Variants in REPS2 observed in about 807,000 individuals in gnomAD.
REPS2 encodes RALBP1 associated Eps domain containing 2, also known as ralBP1-associated Eps domain-containing protein 2.
A neutral mutation model predicts 53.6 loss-of-function variants in REPS2; 23 were observed. The ratio of observed to expected loss-of-function variants is 0.43; its 90% CI spans 0.31 to 0.61. The LOEUF (loss-of-function observed/expected upper bound fraction) is 0.61. Ranked by LOEUF, REPS2 falls within the 20% of genes least tolerant of loss-of-function variation. The probability of loss-of-function intolerance (pLI) is 0.11; values close to 1 mark genes in which losing one functional copy is unlikely to be tolerated. For missense variants in REPS2, 446 were observed against 534.9 expected (o/e 0.83, Z 1.64); for synonymous variants, 238 against 218.6 (o/e 1.09, Z -0.78).
chrX:17,063,555 C>T (rs758453084), intron 9 of REPS2, among the ~76,000 whole-genome samples: 39 of 111,981 alleles, frequency 3.5e-4, no homozygotes, highest in African/African-American at 1.2e-3. Context: ...GAGTTGTGTC[C>T]TCCATGGTAC....
chrX:17,103,959 T>C (rs1569179056), intron 14 of REPS2, among the ~76,000 whole-genome samples, 180 bp downstream of exon 14: 1 of 111,211 alleles, frequency 9.0e-6, no homozygotes, highest in Non-Finnish European at 1.9e-5. Context: ...CCCAGCCTCA[T>C]GTGGAAGAGA....
At chrX:17,132,968 A>G (rs1478692265) in intron 14 of REPS2, among the ~76,000 whole-genome samples, 1 of 112,669 alleles carries the variant, frequency 8.9e-6, no homozygotes, top group East Asian at 2.8e-4. Flanking sequence ...TTAATAAAAA[A>G]ATAATACTTC....
chrX:17,110,926 A>G (rs1775605894), intron 14 of REPS2, among the ~76,000 whole-genome samples: 1 of 111,175 alleles, frequency 9.0e-6, no homozygotes, highest in African/African-American at 3.3e-5. Context: ...AGGCAGGAGA[A>G]TTGCTTGAAC....
chrX:17,049,594 T>A (rs771172861), intron 6 of REPS2, among the ~76,000 whole-genome samples: 8 of 112,189 alleles, frequency 7.1e-5, no homozygotes, highest in South Asian at 7.3e-4. Context: ...GCAATTTTTT[T>A]AAATTTTTAA....
At chrX:17,064,314 T>G (rs1441982458) in intron 9 of REPS2, among the ~76,000 whole-genome samples, 1 of 112,098 alleles carries the variant, frequency 8.9e-6, no homozygotes, top group Non-Finnish European at 1.9e-5. Context: ...TATTTCATGT[T>G]CTTCTAAACT....
intron 6 of REPS2, among the ~76,000 whole-genome samples, chrX:17,050,141 C>CCTTTCTTCCTTTCTTTCTTT (rs2061964303): frequency 4.9e-5 from 1 of 20,383 alleles, no homozygotes; most frequent in African/African-American, 1.6e-4. Context: ...TTCCTTTCTT[C>CCTTTCTTCCTTTCTTTCTTT]CTTTCTTTCT....
At chrX:16,953,693 A>G (rs1223921026) in intron 1 of REPS2, among the ~76,000 whole-genome samples, 2 of 111,499 alleles carry the variant, frequency 1.8e-5, no homozygotes, top group East Asian at 5.6e-4. Context: ...ATTTCAGTTC[A>G]TTTATGTTTC....
intron 1 of REPS2, among the ~76,000 whole-genome samples, chrX:16,976,775 C>T (rs760561279): frequency 1.8e-5 from 2 of 111,914 alleles, no homozygotes; most frequent in South Asian, 3.8e-4. Flanking sequence ...GATAGCATGG[C>T]CATATGTCCC....
intron 1 of REPS2, chrX:16,978,447 A>C: frequency 3.7e-6 from 1 of 271,664 alleles, no homozygotes; most frequent in Non-Finnish European, 5.0e-6. Context: ...GGTTATTGAA[A>C]TTCTGTCAGC....
chrX:17,051,107 G>A (rs1401180095), intron 6 of REPS2, among the ~76,000 whole-genome samples: 1 of 111,216 alleles, frequency 9.0e-6, no homozygotes, highest in Admixed American at 9.6e-5. Flanking sequence ...GAGAACATGC[G>A]ATGTTTGTCT....
At chrX:17,068,134 A>T (rs2062249933) in intron 9 of REPS2, among the ~76,000 whole-genome samples, 1 of 110,354 alleles carries the variant, frequency 9.1e-6, no homozygotes. Flanking sequence ...TAACACAGTG[A>T]AAGCCCTTCT....
At position 16,995,722 on chromosome X, in the gene REPS2, C is replaced by T. The variant is rs111487620; in HGVS notation, c.274-10499C>T. Among the ~76,000 whole-genome samples, 602 of 111,778 alleles carry T rather than the reference C, an allele frequency of 5.4e-3. 5 individuals are homozygous for T. Among genetic ancestry groups the T allele is most frequent in the African/African-American group, 0.019 (577 of 30,690 alleles). ...GTTAAAATAATAAATGCACCTCTTG[C>T]CTCCCTGACATTCTGGCAACCTTAC... On this transcript the variant is annotated intron_variant, in intron 1 of 17. Coordinates refer to ENST00000357277, the MANE Select transcript of REPS2 (RefSeq NM_004726.3).
At chrX:17,037,095 T>G (rs1284961800) in intron 5 of REPS2, among the ~76,000 whole-genome samples, 2 of 110,616 alleles carry the variant, frequency 1.8e-5, no homozygotes, top group African/African-American at 6.6e-5. Flanking sequence ...GAGGTCCTAT[T>G]TTTTCATAGC....
At chrX:16,965,955 C>G (rs952726764) in intron 1 of REPS2, among the ~76,000 whole-genome samples, 1 of 112,621 alleles carries the variant, frequency 8.9e-6, no homozygotes, top group Non-Finnish European at 1.9e-5. Flanking sequence ...CAAAAAAATA[C>G]GAAAACCAGT....
At chrX:17,001,018 A>T (rs2061299817) in intron 1 of REPS2, among the ~76,000 whole-genome samples, 1 of 111,863 alleles carries the variant, frequency 8.9e-6, no homozygotes, top group South Asian at 3.7e-4. Context: ...GACCTTGAAC[A>T]TATCACTTAA....
intron 14 of REPS2, among the ~76,000 whole-genome samples, chrX:17,122,321 T>G (rs186701968): frequency 1.8e-5 from 2 of 112,313 alleles, no homozygotes; most frequent in East Asian, 5.6e-4. Context: ...ATATACTCTG[T>G]GTCTGGCTTT....
At chrX:17,138,808 C>A in intron 16 of REPS2, 48 bp from the exon 17 acceptor site, 1 of 894,036 alleles carries the variant, frequency 1.1e-6, no homozygotes, top group Non-Finnish European at 1.6e-6. Context: ...CCTCAAGGGT[C>A]CAGACCTCTA....
intron 13 of REPS2, among the ~76,000 whole-genome samples, chrX:17,101,267 T>A (rs778274624): frequency 1.8e-5 from 2 of 109,619 alleles, no homozygotes; most frequent in Non-Finnish European, 3.8e-5. Flanking sequence ...TTTCACTGTG[T>A]TAGCCAGGAT....
At chrX:17,143,232 G>T (rs894460040) in intron 17 of REPS2, among the ~76,000 whole-genome samples, 2 of 112,163 alleles carry the variant, frequency 1.8e-5, no homozygotes, top group Non-Finnish European at 3.8e-5. Flanking sequence ...TGTCTTCTTT[G>T]TGGTGGTGGT....
Sources: allele counts gnomAD v4.1 joint callset (sites outside exome capture counted in the v4.1 genomes callset), GRCh38; gene constraint gnomAD v4.1.1; transcripts MANE v1.5; gene names NCBI Gene and HGNC (gene_info 2026-07-23, HGNC 2026-07-21).